CCDC171: variants seen among roughly 807,000 people sequenced by gnomAD.
CCDC171 encodes the protein coiled-coil domain-containing protein 171.
Under a neutral mutation model 168.2 loss-of-function variants are expected in CCDC171, and 177 were observed. The observed-to-expected ratio is 1.05, with a 90% CI of 0.93 to 1.19. The LOEUF is 1.19. CCDC171 is among the 50% of genes most tolerant of loss of function. The pLI is 0.00. For synonymous variants in CCDC171, 687 were observed against 540.8 expected, an observed-to-expected ratio of 1.27 and a Z score of -3.75; for missense variants, 1,991 against 1,539.0, an observed-to-expected ratio of 1.29 and a Z score of -4.91.
rs2053915255 is a variant in CCDC171, at chr9:15,727,896, T to C, written c.1720T>C (p.Tyr574His). The change falls in exon 15 of 26, where the codon TAT (tyrosine) becomes CAT (histidine). Residue 574 changes from tyrosine to histidine, a missense_variant. By Grantham distance (83) the Tyr-to-His change is moderately conservative (BLOSUM62 2). Transcript: ENST00000380701. The stretch of plus-strand genomic sequence containing the variant: ...GAAGCTAACCTTCCTTCACACCTTA[T>C]ATCAGCACTTGGTAGCAGGCTGTGT... ...EEKLTFLHTL[Y>H]QHLVAGCVLI... is the part of the protein sequence containing the mutation. The C allele has an allele frequency of 1.9e-6, 3 of 1,613,038 alleles. No individual in the cohort carries two copies. The highest frequency in any genetic ancestry group is 2.5e-6 in the Non-Finnish European group (3 of 1,179,434).
intron 24 of CCDC171, among the ~76,000 whole-genome samples, chr9:15,901,924 ATCT>A (rs1456301214): frequency 1.3e-5 from 2 of 152,156 alleles, no homozygotes; most frequent in African/African-American, 2.4e-5. Context: ...AGACTTTAAA[ATCT>A]TCTCTGTAAA....
At chr9:15,615,802 A>AG (rs1491359359) in intron 6 of CCDC171, among the ~76,000 whole-genome samples, 2 of 148,596 alleles carry the variant, frequency 1.3e-5, no homozygotes, top group Non-Finnish European at 3.0e-5. Flanking sequence ...TTCTTCAGAC[A>AG]GGGTCTCACT....
intron 10 of CCDC171, among the ~76,000 whole-genome samples, chr9:15,688,818 A>G (rs1048208303): frequency 6.6e-6 from 1 of 152,188 alleles, no homozygotes; most frequent in South Asian, 2.1e-4. Context: ...CACTCTCACC[A>G]TGTCTGTTCA....
intron 6 of CCDC171, among the ~76,000 whole-genome samples, chr9:15,621,985 A>G (rs1435031894): frequency 6.6e-6 from 1 of 152,222 alleles, no homozygotes. Flanking sequence ...TTGCAGGAAC[A>G]TGGATGGAGC....
chr9:15,692,599 C>T (rs1209223242), intron 10 of CCDC171, among the ~76,000 whole-genome samples: 1 of 150,482 alleles, frequency 6.6e-6, no homozygotes, highest in Non-Finnish European at 1.5e-5. Context: ...GCGATGTCGG[C>T]TCACTGCAAG....
At chr9:15,759,261 A>G (rs144142865) in intron 18 of CCDC171, among the ~76,000 whole-genome samples, 86 of 152,254 alleles carry the variant, frequency 5.6e-4, no homozygotes, top group Admixed American at 1.6e-3. Flanking sequence ...ATAACAAAGA[A>G]CTTTTCTTTT....
chr9:15,650,603 A>T (rs1010798594), intron 7 of CCDC171, among the ~76,000 whole-genome samples: 2 of 152,010 alleles, frequency 1.3e-5, no homozygotes, highest in South Asian at 2.1e-4. Context: ...TTCTTTTTTT[A>T]TTCTGGATAC....
chr9:16,101,949 A>G, the CCDC171 span, among the ~76,000 whole-genome samples: 1 of 152,372 alleles, frequency 6.6e-6, no homozygotes, highest in Middle Eastern at 3.4e-3. Context: ...AGAACATGCC[A>G]GACTCCTGAA....
chr9:15,693,409 C>T (rs2050971434), intron 10 of CCDC171, among the ~76,000 whole-genome samples: 1 of 151,922 alleles, frequency 6.6e-6, no homozygotes. Flanking sequence ...AACTAAACTA[C>T]TTAACACTTA....
intron 3 of CCDC171, among the ~76,000 whole-genome samples, chr9:16,008,612 C>G (rs192092768): frequency 7.9e-5 from 12 of 152,258 alleles, no homozygotes; most frequent in Admixed American, 7.8e-4. Context: ...CTTTCTGGTC[C>G]CCTGTTCTTG....
chr9:16,007,035 T>A (rs901926279), intron 3 of CCDC171, among the ~76,000 whole-genome samples: 5 of 152,200 alleles, frequency 3.3e-5, no homozygotes, highest in African/African-American at 1.2e-4. Context: ...TGAACTAGTT[T>A]ACAGTCCCAC....
At chr9:15,764,654 C>T (rs929985599) in intron 18 of CCDC171, among the ~76,000 whole-genome samples, 25 of 152,100 alleles carry the variant, frequency 1.6e-4, no homozygotes, top group African/African-American at 4.8e-4. Flanking sequence ...ATATATTAGA[C>T]TCGTAAGTGT....
At chr9:15,997,882 A>C (rs148392823) in intron 3 of CCDC171, among the ~76,000 whole-genome samples, 1 of 152,194 alleles carries the variant, frequency 6.6e-6, no homozygotes, top group East Asian at 1.9e-4. Context: ...TATTTACCCC[A>C]CAGTGGAACA....
intron 1 of CCDC171, among the ~76,000 whole-genome samples, chr9:16,059,740 G>A (rs3008687): frequency 1.3e-5 from 2 of 149,066 alleles, no homozygotes; most frequent in Non-Finnish European, 3.0e-5. Flanking sequence ...GGTCTCGATC[G>A]CCTGACCTCA....
chr9:15,606,646 A>G (rs541561450), intron 6 of CCDC171, among the ~76,000 whole-genome samples: 2 of 152,344 alleles, frequency 1.3e-5, no homozygotes, highest in East Asian at 3.9e-4. Context: ...CAGAATTGGA[A>G]CGGAACTGTA....
rs1564387867 is a variant in CCDC171 at position 15,777,719 on chromosome 9, A to G, written c.2791A>G (p.Ile931Val). Reference sequence around the variant, plus strand: ...TATACCTCTGCACAGTAGCAGGAGTATTACATATGTAGAAAAAGATTCCCT... The same window carrying G: ...TATACCTCTGCACAGTAGCAGGAGTGTTACATATGTAGAAAAAGATTCCCT... ...ECIPLHSSRS[I>V]TYVEKDSLVQ... Residue 931 changes from isoleucine to valine, a missense_variant, in exon 19 of 26, where the codon ATT (isoleucine) becomes GTT (valine). Ile to Val is a conservative substitution (Grantham distance 29). Transcript: ENST00000380701. 1 of 1,613,742 alleles carries G rather than the reference A, an allele frequency of 6.2e-7. No individual in the cohort carries two copies. The highest frequency in any genetic ancestry group is 2.2e-5 in the East Asian group (1 of 44,870).
At chr9:15,616,078 A>G (rs1324552501) in intron 6 of CCDC171, among the ~76,000 whole-genome samples, 1 of 151,998 alleles carries the variant, frequency 6.6e-6, no homozygotes, top group East Asian at 1.9e-4. Flanking sequence ...AGCCTCCCGA[A>G]TAGCTGGGAT....
intron 25 of CCDC171, among the ~76,000 whole-genome samples, chr9:15,950,056 G>A (rs532943821): frequency 2.6e-5 from 4 of 152,212 alleles, no homozygotes; most frequent in South Asian, 2.1e-4. Context: ...GAAATGAAGC[G>A]AGAAGGGAAG....
intron 21 of CCDC171, among the ~76,000 whole-genome samples, chr9:15,825,626 A>G (rs7869296): frequency 6.6e-6 from 1 of 152,076 alleles, no homozygotes; most frequent in South Asian, 2.1e-4. Context: ...GCCCAACTTC[A>G]TTACCCTCCC....
Sources: allele counts gnomAD v4.1 joint callset (sites outside exome capture counted in the v4.1 genomes callset), GRCh38; gene constraint gnomAD v4.1.1; transcripts MANE v1.5; gene names NCBI Gene and HGNC (gene_info 2026-07-23, HGNC 2026-07-21).